The following TMEM132B variants were observed in gnomAD, a reference collection of about 807,000 sequenced individuals.
The protein encoded by TMEM132B is transmembrane protein 132B.
Under a neutral mutation model 90.8 loss-of-function variants are expected in TMEM132B, and 18 were observed. The observed-to-expected ratio is 0.20, with a 90% CI of 0.14 to 0.29. The LOEUF is 0.29. TMEM132B is among the 10% of genes least tolerant of loss of function. The pLI is 1.00. For synonymous variants in TMEM132B, 504 were observed against 523.3 expected (o/e 0.96, Z 0.50); for missense variants, 1,096 against 1,326.8 (o/e 0.83, Z 2.70).
rs145729976 is a variant in TMEM132B, at chr12:125,461,771, C to G, written c.1106+46094C>G. ...ACCTCAAATCTCATCCCAGTCCTTA[C>G]GTCCAGGGCGTTTCCTCCCGGCGCT... On this transcript the variant is annotated intron_variant, in intron 3 of 8. Transcript: ENST00000682704. 7.9e-5 allele frequency among the ~76,000 whole-genome samples: 12 copies of G among 152,354 alleles called. 1 individual carries two copies. In the East Asian group the frequency reaches 1.5e-3, roughly 20 times the overall value.
At chr12:125,482,568 T>C (rs1033809513) in intron 3 of TMEM132B, among the ~76,000 whole-genome samples, 2 of 152,134 alleles carry the variant, frequency 1.3e-5, no homozygotes, top group Non-Finnish European at 2.9e-5. Context: ...CCAGTTAGAA[T>C]GGCGATCATT....
intron 5 of TMEM132B, among the ~76,000 whole-genome samples, chr12:125,617,787 T>A (rs1023963975): frequency 1.3e-5 from 2 of 152,154 alleles, no homozygotes; most frequent in Non-Finnish European, 2.9e-5. Flanking sequence ...CACAGTCTGA[T>A]ACATTAAATT....
At chr12:125,250,761 G>A (rs955584898) in intron 1 of TMEM132B, among the ~76,000 whole-genome samples, 3 of 152,170 alleles carry the variant, frequency 2.0e-5, no homozygotes, top group Non-Finnish European at 4.4e-5. Context: ...GAATCACAGA[G>A]CTCAGCAAGC....
chr12:125,409,596 G>A (rs1879634554), intron 2 of TMEM132B, among the ~76,000 whole-genome samples: 1 of 125,454 alleles, frequency 8.0e-6, no homozygotes, highest in Non-Finnish European at 1.6e-5. Context: ...GGAGTGGAGT[G>A]GAGGAGTGGA....
At chr12:125,245,536 C>T (rs943910377) in intron 1 of TMEM132B, among the ~76,000 whole-genome samples, 2 of 152,136 alleles carry the variant, frequency 1.3e-5, no homozygotes, top group African/African-American at 4.8e-5. Context: ...GGATGGGGGG[C>T]TTCGATGGGG....
chr12:125,253,145 C>T (rs1248060161), intron 1 of TMEM132B, among the ~76,000 whole-genome samples: 1 of 152,138 alleles, frequency 6.6e-6, no homozygotes, highest in African/African-American at 2.4e-5. Flanking sequence ...GAGGCTGCCT[C>T]TGACCCCCTC....
chr12:125,640,025 C>T (rs1442967489), intron 5 of TMEM132B, among the ~76,000 whole-genome samples: 2 of 152,168 alleles, frequency 1.3e-5, no homozygotes, highest in African/African-American at 4.8e-5. Context: ...TCAGTCTGGG[C>T]CACGGCTGGC....
chr12:125,521,291 CCTT>C (rs1323075002), intron 4 of TMEM132B, among the ~76,000 whole-genome samples: 1 of 152,142 alleles, frequency 6.6e-6, no homozygotes, highest in African/African-American at 2.4e-5. Context: ...TTCTCCTTCT[CCTT>C]CTTCTCCTCC....
intron 1 of TMEM132B, chr12:125,326,606 C>T: frequency 6.2e-7 from 1 of 1,603,248 alleles, no homozygotes; most frequent in South Asian, 1.1e-5. Flanking sequence ...CTCGCCTCAG[C>T]TCCAGACTCT....
Position 125,407,623 on chromosome 12 carries a change from A to T in TMEM132B, c.960-7908A>T, listed in dbSNP as rs1477317888. Among the ~76,000 whole-genome samples, 2 of 152,120 alleles carry T rather than the reference A, an allele frequency of 1.3e-5. No homozygotes were observed. The highest frequency in any genetic ancestry group is 3.9e-4 in the East Asian group (2 of 5,180). On this transcript the variant is annotated intron_variant, in intron 2 of 8. Transcript: ENST00000682704. The surrounding 1 kb of genome is among the most constrained non-coding windows in gnomAD (Gnocchi z 6.7). ...TCTCTCCCTGGTCCAACCAGGAGGG[A>T]TGCTCATCTGGACTCAGACTCTTTC...
intron 5 of TMEM132B, among the ~76,000 whole-genome samples, chr12:125,596,690 T>C (rs1446978072): frequency 1.3e-5 from 2 of 152,208 alleles, no homozygotes; most frequent in Non-Finnish European, 2.9e-5. Context: ...AAAATAATCT[T>C]TTGATGCCCT....
At chr12:125,465,560 A>G (rs545071755) in intron 3 of TMEM132B, among the ~76,000 whole-genome samples, 33 of 152,324 alleles carry the variant, frequency 2.2e-4, no homozygotes, top group African/African-American at 7.7e-4. Context: ...GGTTTACATT[A>G]TTGCAGGCAA....
intron 3 of TMEM132B, among the ~76,000 whole-genome samples, chr12:125,518,869 A>G (rs1213272369): frequency 6.6e-6 from 1 of 152,170 alleles, no homozygotes; most frequent in African/African-American, 2.4e-5. Context: ...CTCGTAGTTT[A>G]TGTAGTAAAC....
chr12:125,583,380 A>G (rs2136868155), intron 4 of TMEM132B, among the ~76,000 whole-genome samples: 1 of 152,210 alleles, frequency 6.6e-6, no homozygotes, highest in Admixed American at 6.5e-5. Flanking sequence ...GTAATGTTCA[A>G]CTTGTGCTCT....
At chr12:125,297,336 G>A (rs1331043299) in intron 1 of TMEM132B, among the ~76,000 whole-genome samples, 1 of 152,166 alleles carries the variant, frequency 6.6e-6, no homozygotes, top group Non-Finnish European at 1.5e-5. Flanking sequence ...TGACAGGTGT[G>A]GATGGGCCTC....
chr12:125,647,595 G>A (rs1352365880), intron 6 of TMEM132B, among the ~76,000 whole-genome samples: 1 of 152,148 alleles, frequency 6.6e-6, no homozygotes, highest in African/African-American at 2.4e-5. Context: ...CCTGGCAAAA[G>A]TATCCTTTAG....
At chr12:125,622,203 T>A (rs1289675693) in intron 5 of TMEM132B, among the ~76,000 whole-genome samples, 1 of 152,168 alleles carries the variant, frequency 6.6e-6, no homozygotes, top group African/African-American at 2.4e-5. Flanking sequence ...CTCCTTAAAG[T>A]TCCATCCCAG....
chr12:125,637,227 G>C (rs1886506850), intron 5 of TMEM132B, among the ~76,000 whole-genome samples: 1 of 152,186 alleles, frequency 6.6e-6, no homozygotes, highest in African/African-American at 2.4e-5. Context: ...ATTTTTATCA[G>C]AGAATAATCC....
At chr12:125,372,493 G>A (rs1309444870) in intron 2 of TMEM132B, among the ~76,000 whole-genome samples, 9 of 152,284 alleles carry the variant, frequency 5.9e-5, no homozygotes, top group Middle Eastern at 6.8e-3. Context: ...GCCCTATTGG[G>A]TTTAGCCAAA....
Sources: gnomAD v4.1 joint callset for allele counts (sites outside exome capture counted in the v4.1 genomes callset) on GRCh38, gnomAD v4.1.1 for gene constraint, Gnocchi (gnomAD v3.1) non-coding constraint, MANE v1.5 for transcripts, NCBI Gene and HGNC (gene_info 2026-07-23, HGNC 2026-07-21) for gene names.